PHACTR1: variants seen among roughly 807,000 people sequenced by gnomAD.
PHACTR1 encodes RPEL repeat containing 1.
A neutral mutation model predicts 69.2 loss-of-function variants in PHACTR1; 16 were observed. The observed-to-expected ratio is 0.23, with a 90% CI of 0.16 to 0.35. The LOEUF (loss-of-function observed/expected upper bound fraction) is 0.35. PHACTR1 is among the 10% of genes least tolerant of loss of function. The probability of loss-of-function intolerance (pLI) is 1.00; values close to 1 mark genes in which losing one functional copy is unlikely to be tolerated. For missense variants in PHACTR1, 510 were observed against 734.7 expected (o/e 0.69, Z 3.54); for synonymous variants, 312 against 284.5 (o/e 1.10, Z -0.97).
At chr6:13,029,071 GGATA>G (rs1802086298) in intron 4 of PHACTR1, among the ~76,000 whole-genome samples, 1 of 152,096 alleles carries the variant, frequency 6.6e-6, no homozygotes, top group African/African-American at 2.4e-5. Flanking sequence ...AATCTTCCCG[GGATA>G]GATACTATTT....
intron 7 of PHACTR1, among the ~76,000 whole-genome samples, chr6:13,194,394 T>G (rs1410031851): frequency 2.5e-5 from 3 of 121,676 alleles, no homozygotes; most frequent in Non-Finnish European, 4.9e-5. Flanking sequence ...AGAGCAAGAC[T>G]CCGTCTCAAA....
chr6:13,163,211 T>A (rs1294282947), intron 6 of PHACTR1, among the ~76,000 whole-genome samples: 1 of 152,194 alleles, frequency 6.6e-6, no homozygotes, highest in Non-Finnish European at 1.5e-5. Flanking sequence ...CACACTGTAC[T>A]CTGGCCTGGG....
chr6:13,170,840 G>A (rs1197506984), intron 6 of PHACTR1, among the ~76,000 whole-genome samples: 1 of 152,124 alleles, frequency 6.6e-6, no homozygotes, highest in Non-Finnish European at 1.5e-5. Context: ...GCTTTCATTT[G>A]ATCCCTTCTC....
rs149489041 is a variant in PHACTR1, at chr6:12,871,147, A to C, written c.250+121357A>C. ...AGTTGAAAACTGATGAAGAAGAAAG[A>C]CTTCTAGCAGAAAATGGACTTCATA... On this transcript the variant is annotated intron_variant, in intron 4 of 14. Transcript: ENST00000332995. 1.5e-3 allele frequency among the ~76,000 whole-genome samples: 233 copies of C among 151,932 alleles called. 1 individual carries two copies. Among genetic ancestry groups the C allele is most frequent in the African/African-American group, 4.7e-3 (192 of 41,218 alleles).
chr6:12,838,928 G>T (rs1778430690), intron 4 of PHACTR1, among the ~76,000 whole-genome samples: 1 of 152,150 alleles, frequency 6.6e-6, no homozygotes, highest in Admixed American at 6.5e-5. Context: ...AAATTATAAG[G>T]CTGTTGCTGC....
intron 4 of PHACTR1, among the ~76,000 whole-genome samples, chr6:12,905,492 T>C (rs1300706681): frequency 6.6e-6 from 1 of 152,226 alleles, no homozygotes; most frequent in African/African-American, 2.4e-5. Context: ...GCTATTCTTC[T>C]GGGGTCCAGA....
intron 10 of PHACTR1, 74 bp downstream of exon 10, chr6:13,230,267 C>G: frequency 1.3e-6 from 2 of 1,551,970 alleles, no homozygotes; most frequent in South Asian, 1.2e-5. Flanking sequence ...AGAATTCAGT[C>G]TCGGCCGGGC....
intron 4 of PHACTR1, among the ~76,000 whole-genome samples, chr6:12,819,000 T>C (rs1218963893): frequency 1.3e-5 from 2 of 152,218 alleles, no homozygotes; most frequent in African/African-American, 4.8e-5. Context: ...GGAAAACATT[T>C]GAAGCAAACA....
rs116981611 is a variant in PHACTR1 at position 12,854,279 on chromosome 6, G to A, written c.250+104489G>A. ...TCTCCAAAGAGCTGCCAAGCACAAG[G>A]TTTCTCCAAAATCTGCTTAAAGCTT... On this transcript the variant is annotated intron_variant, in intron 4 of 14. Coordinates refer to ENST00000332995, the MANE Select transcript of PHACTR1 (RefSeq NM_030948.6). Among the ~76,000 whole-genome samples, 4 of 152,280 alleles carry A rather than the reference G, an allele frequency of 2.6e-5. No individual in the cohort carries two copies. The East Asian group carries it at 7.7e-4, about 29-fold the overall frequency.
intron 3 of PHACTR1, among the ~76,000 whole-genome samples, chr6:12,723,412 T>C (rs1256974011): frequency 6.6e-6 from 1 of 151,980 alleles, no homozygotes; most frequent in African/African-American, 2.4e-5. Context: ...AGGTAATTTA[T>C]ATTAAAGTTT....
intron 4 of PHACTR1, among the ~76,000 whole-genome samples, chr6:12,836,719 C>T (rs1778211251): frequency 6.6e-6 from 1 of 152,148 alleles, no homozygotes; most frequent in Non-Finnish European, 1.5e-5. Context: ...GCCTGTTGTC[C>T]TAGCATCATG....
intron 5 of PHACTR1, among the ~76,000 whole-genome samples, chr6:13,086,623 T>C (rs143382362): frequency 6.6e-6 from 1 of 152,288 alleles, no homozygotes; most frequent in African/African-American, 2.4e-5. Context: ...TTCAGATTCA[T>C]CTGTGTTATG....
At chr6:13,146,958 A>G (rs1823448497) in intron 5 of PHACTR1, among the ~76,000 whole-genome samples, 1 of 152,204 alleles carries the variant, frequency 6.6e-6, no homozygotes, top group African/African-American at 2.4e-5. Flanking sequence ...TAATACAAGC[A>G]AGCCCCAGAG....
intron 4 of PHACTR1, among the ~76,000 whole-genome samples, chr6:13,025,372 G>T (rs564686706): frequency 2.4e-4 from 37 of 152,270 alleles, no homozygotes; most frequent in African/African-American, 8.7e-4. Flanking sequence ...CTTGGAAGAC[G>T]CCCATATACA....
chr6:12,888,072 CAAAAAAAA>C (rs33925347), intron 4 of PHACTR1, among the ~76,000 whole-genome samples: 5 of 71,920 alleles, frequency 7.0e-5, no homozygotes, highest in Non-Finnish European at 1.2e-4. Context: ...GACTCCATCT[CAAAAAAAA>C]AAAAAAAAAA....
At chr6:13,272,602 G>A (rs1777974927) in intron 10 of PHACTR1, 2 of 1,029,264 alleles carry the variant, frequency 1.9e-6, no homozygotes, top group Non-Finnish European at 1.3e-6. Context: ...GGGGCCACTG[G>A]AGGAGATGGG....
rs551938563 is a variant in PHACTR1 at position 13,252,054 on chromosome 6, TA to T, written c.1392-20792del. ...TGAACAACAGAACAAGATCCTGCCT[TA>T]AAAAAAAAAAAAAGAAAGAAAGAAA... On this transcript the variant is annotated intron_variant, in intron 10 of 14. Transcript: ENST00000332995. Among the ~76,000 whole-genome samples the T allele has an allele frequency of 1.0e-2, 1,342 of 134,630 alleles. 15 individuals carry two copies. The highest frequency in any genetic ancestry group is 0.027 in the African/African-American group (992 of 37,006). The allele number at this position is 134,630 out of a possible 152,430, so 88.3% of individuals were successfully genotyped here. A position where few individuals can be genotyped will look rare whatever the true frequency, so the allele number is the denominator to read the frequency against.
chr6:13,015,308 C>G (rs571219337), intron 4 of PHACTR1, among the ~76,000 whole-genome samples: 1 of 152,156 alleles, frequency 6.6e-6, no homozygotes, highest in Admixed American at 6.5e-5. Context: ...AGGACACCAC[C>G]AGGCATCCAA....
chr6:12,785,041 A>G (rs1394741642), intron 4 of PHACTR1, among the ~76,000 whole-genome samples: 1 of 151,848 alleles, frequency 6.6e-6, no homozygotes, highest in South Asian at 2.1e-4. Flanking sequence ...ATTTATACAT[A>G]TATATCTATA....
Sources: allele counts gnomAD v4.1 joint callset (sites outside exome capture counted in the v4.1 genomes callset), GRCh38; gene constraint gnomAD v4.1.1; transcripts MANE v1.5; gene names NCBI Gene and HGNC (gene_info 2026-07-23, HGNC 2026-07-21).